Variants in RNF228 observed in about 807,000 individuals in gnomAD.
RNF228 encodes the protein ring finger protein 228.
the RNF228 span, among the ~76,000 whole-genome samples, chr2:222,314,315 T>C: frequency 1.3e-5 from 2 of 152,228 alleles, no homozygotes; most frequent in Non-Finnish European, 1.5e-5. Context: ...AAGCTTATCT[T>C]ATATGGAAAA....
the RNF228 span, among the ~76,000 whole-genome samples, chr2:222,316,982 T>C: frequency 6.6e-6 from 1 of 152,214 alleles, no homozygotes. Flanking sequence ...TTAGTGGACA[T>C]TGTGGTAGTA....
the RNF228 span, chr2:222,319,466 A>AGGCGGC: frequency 6.2e-5 from 9 of 144,644 alleles, no homozygotes; most frequent in African/African-American, 1.9e-4. The surrounding 1 kb of genome is among the most constrained non-coding windows in gnomAD (Gnocchi z 7.6). Context: ...CGTCCTCGGC[A>AGGCGGC]GGCGGCGGCG....
the RNF228 span, chr2:222,319,115 C>T: frequency 9.0e-6 from 2 of 221,222 alleles, no homozygotes; most frequent in Non-Finnish European, 1.8e-5. The surrounding 1 kb of genome is among the most constrained non-coding windows in gnomAD (Gnocchi z 7.6). Flanking sequence ...AGCCCGCGGC[C>T]GCACCCTCGG....
At chr2:222,315,848 A>C in the RNF228 span, among the ~76,000 whole-genome samples, 2 of 152,130 alleles carry the variant, frequency 1.3e-5, no homozygotes, top group African/African-American at 4.8e-5. Context: ...AGTTTCTTTC[A>C]CCTGAAATGT....
the RNF228 span, among the ~76,000 whole-genome samples, chr2:222,314,923 A>C: frequency 6.6e-6 from 1 of 152,242 alleles, no homozygotes; most frequent in African/African-American, 2.4e-5. Context: ...GTTCACAAAG[A>C]TACCTTAAAA....
At chr2:222,314,992 C>T in the RNF228 span, among the ~76,000 whole-genome samples, 4 of 152,038 alleles carry the variant, frequency 2.6e-5, no homozygotes, top group East Asian at 3.9e-4. Flanking sequence ...GTCTCTCTAG[C>T]GGTTCCTATC....
chr2:222,315,875 T>A, the RNF228 span, among the ~76,000 whole-genome samples: 4 of 152,140 alleles, frequency 2.6e-5, no homozygotes, highest in Admixed American at 2.0e-4. Context: ...TATGAAAGCA[T>A]GATGATGAGT....
chr2:222,315,927 G>A, the RNF228 span, among the ~76,000 whole-genome samples: 1 of 152,154 alleles, frequency 6.6e-6, no homozygotes, highest in African/African-American at 2.4e-5. Flanking sequence ...GTGGCCCATG[G>A]GGACCAGGAG....
chr2:222,315,521 G>A, the RNF228 span, among the ~76,000 whole-genome samples: 1 of 152,100 alleles, frequency 6.6e-6, no homozygotes, highest in Non-Finnish European at 1.5e-5. Flanking sequence ...TAAAAGCAAG[G>A]TCCATATAGG....
the RNF228 span, chr2:222,318,432 A>G: frequency 1.3e-5 from 2 of 152,082 alleles, no homozygotes; most frequent in African/African-American, 4.8e-5. Flanking sequence ...AGTGTCCGTC[A>G]CTCTCAGCGC....
chr2:222,315,238 T>G, the RNF228 span, among the ~76,000 whole-genome samples: 1 of 152,172 alleles, frequency 6.6e-6, no homozygotes, highest in Non-Finnish European at 1.5e-5. Context: ...CAACAGAACA[T>G]TTATCAGCCA....
chr2:222,319,760 C>CGCGGCGGCAGCG, the RNF228 span, among the ~76,000 whole-genome samples: 4 of 141,440 alleles, frequency 2.8e-5, no homozygotes, highest in South Asian at 2.2e-4. This position sits in a 1 kb window ranked among gnomAD's most constrained non-coding sequence, Gnocchi z 7.6. Flanking sequence ...GGCGCTCAGG[C>CGCGGCGGCAGCG]GCGGCGGCAG....
the RNF228 span, chr2:222,317,958 C>T: frequency 6.6e-6 from 1 of 152,068 alleles, no homozygotes; most frequent in Non-Finnish European, 1.5e-5. Flanking sequence ...AATGTCACTG[C>T]TTATCAAACA....
At chr2:222,315,406 G>C in the RNF228 span, among the ~76,000 whole-genome samples, 1 of 152,190 alleles carries the variant, frequency 6.6e-6, no homozygotes, top group Non-Finnish European at 1.5e-5. Flanking sequence ...ATTATACAAA[G>C]TAAATCTCAT....
chr2:222,318,182 T>C, the RNF228 span: 1 of 152,256 alleles, frequency 6.6e-6, no homozygotes, highest in African/African-American at 2.4e-5. Context: ...TGAGTCTAGT[T>C]ACAGAAGACT....
chr2:222,318,801 T>C, the RNF228 span: 3 of 141,420 alleles, frequency 2.1e-5, no homozygotes, highest in Non-Finnish European at 4.6e-5. Context: ...TCCCTTCCTG[T>C]TCAGTTTCCC....
the RNF228 span, among the ~76,000 whole-genome samples, chr2:222,320,030 C>G: frequency 6.6e-6 from 1 of 152,182 alleles, no homozygotes; most frequent in Non-Finnish European, 1.5e-5. Context: ...TTGGGCTCTG[C>G]TGGCTGCCGC....
chr2:222,315,088 T>C, the RNF228 span, among the ~76,000 whole-genome samples: 3 of 151,910 alleles, frequency 2.0e-5, no homozygotes, highest in African/African-American at 7.3e-5. Context: ...ATTTTTTTTT[T>C]TTTGCCTTTC....
chr2:222,314,718 A>C, the RNF228 span, among the ~76,000 whole-genome samples: 1 of 152,268 alleles, frequency 6.6e-6, no homozygotes, highest in Non-Finnish European at 1.5e-5. Context: ...TTGCTTAGTT[A>C]TTAAGATCAT....
Sources: gnomAD v4.1 joint callset for allele counts (sites outside exome capture counted in the v4.1 genomes callset) on GRCh38, gnomAD v4.1.1 for gene constraint, Gnocchi (gnomAD v3.1) non-coding constraint, MANE v1.5 for transcripts, NCBI Gene and HGNC (gene_info 2026-07-23, HGNC 2026-07-21) for gene names.